Variants in BMPR2 observed in about 807,000 individuals in gnomAD.
BMPR2 encodes the protein bone morphogenetic protein receptor type 2, also known as bone morphogenetic protein receptor type-2.
BMPR2 carries 29 observed loss-of-function variants against 100.8 expected under a neutral mutation model. That is an observed-to-expected ratio of 0.29 (90% CI 0.21 to 0.39). The LOEUF is 0.39. Ranked by LOEUF, BMPR2 falls within the 10% of genes least tolerant of loss-of-function variation. The pLI is 1.00. For missense variants in BMPR2, 1,011 were observed against 1,274.5 expected (o/e 0.79, Z 3.15); for synonymous variants, 382 against 442.3 (o/e 0.86, Z 1.71).
chr2:202,538,078 C>T (rs1329776281), intron 9 of BMPR2, among the ~76,000 whole-genome samples: 2 of 152,108 alleles, frequency 1.3e-5, no homozygotes, highest in East Asian at 1.9e-4. Context: ...GCCGAGATCG[C>T]GCCACTGCAC....
chr2:202,564,703 G>A lies in BMPR2; in HGVS notation c.*4757G>A, dbSNP rs911850097. ...AGTTTCCAGATTAACATAAAGAAAAGAGGGAATCACAGGGCATTTAAGTGC... is the reference window on the plus strand; with the variant it reads ...AGTTTCCAGATTAACATAAAGAAAAAAGGGAATCACAGGGCATTTAAGTGC... On this transcript the variant is annotated 3_prime_UTR_variant, in exon 13 of 13. Coordinates refer to ENST00000374580, the MANE Select transcript of BMPR2 (RefSeq NM_001204.7). The A allele has an allele frequency of 6.6e-6, 1 of 152,134 alleles. No homozygotes were observed. Among genetic ancestry groups the A allele is most frequent in the Non-Finnish European group, 1.5e-5 (1 of 68,036 alleles). 9.4% of individuals were successfully genotyped at this position (152,134 alleles called of 1,614,324 possible). A position where few individuals can be genotyped will look rare whatever the true frequency, so the allele number is the denominator to read the frequency against.
intron 7 of BMPR2, among the ~76,000 whole-genome samples, chr2:202,522,651 C>G (rs1687838961): frequency 6.6e-6 from 1 of 152,004 alleles, no homozygotes; most frequent in Non-Finnish European, 1.5e-5. Flanking sequence ...ACAACATAGT[C>G]AGACCCCCAT....
chr2:202,487,491 A>G (rs1176936892), intron 3 of BMPR2, among the ~76,000 whole-genome samples: 1 of 152,260 alleles, frequency 6.6e-6, no homozygotes, highest in Admixed American at 6.5e-5. Context: ...CAGTTAAAAA[A>G]TCAATAAGAT....
chr2:202,530,993 A>G, intron 8 of BMPR2, 39 bp downstream of exon 8: 10 of 1,610,930 alleles, frequency 6.2e-6, no homozygotes, highest in Non-Finnish European at 8.5e-6. Flanking sequence ...ATGTACTTTG[A>G]AATGATAATT....
chr2:202,449,962 T>C (rs1198454948), intron 1 of BMPR2, among the ~76,000 whole-genome samples: 2 of 151,250 alleles, frequency 1.3e-5, no homozygotes, highest in African/African-American at 2.4e-5. Context: ...AAAAAAAAAA[T>C]AGCCAGGCTT....
intron 3 of BMPR2, among the ~76,000 whole-genome samples, chr2:202,477,076 CT>C (rs1266958162): frequency 6.6e-6 from 1 of 152,062 alleles, no homozygotes; most frequent in African/African-American, 2.4e-5. Flanking sequence ...AAAAACCTTG[CT>C]GTTAAACTTG....
Position 202,376,511 on chromosome 2 carries a change from AGGCGGCGGCGGCGGCGGCGGCGGC to A in BMPR2, c.-951_-928del, listed in dbSNP as rs375624016. Reference sequence around the variant, plus strand: ...AGGAGCCCAGAGCTGCGGGAGAACGAGGCGGCGGCGGCGGCGGCGGCGGCGGCGGCGGCGGCAGCAGCAGCGGCT... The same window carrying A: ...AGGAGCCCAGAGCTGCGGGAGAACGAGGCGGCGGCGGCAGCAGCAGCGGCT... On this transcript the variant is annotated 5_prime_UTR_variant, in exon 1 of 13. Coordinates refer to ENST00000374580, the MANE Select transcript of BMPR2 (RefSeq NM_001204.7). Among the ~76,000 whole-genome samples, 5 of 125,756 alleles carry A rather than the reference AGGCGGCGGCGGCGGCGGCGGCGGC, an allele frequency of 4.0e-5. No homozygotes were observed. The highest frequency in any genetic ancestry group is 8.8e-5 in the African/African-American group (3 of 33,902). 82.5% of individuals were successfully genotyped at this position (125,756 alleles called of 152,430 possible). A position where few individuals can be genotyped will look rare whatever the true frequency, so the allele number is the denominator to read the frequency against.
intron 1 of BMPR2, among the ~76,000 whole-genome samples, chr2:202,384,242 C>T (rs1690368141): frequency 6.6e-6 from 1 of 152,206 alleles, no homozygotes; most frequent in Non-Finnish European, 1.5e-5. Context: ...CAATGCCCAA[C>T]ACTGTACCTT....
chr2:202,542,284 C>T (rs1354073219), intron 9 of BMPR2, 27 bp from the exon 10 acceptor site: 4 of 1,612,354 alleles, frequency 2.5e-6, no homozygotes, highest in Non-Finnish European at 3.4e-6. Flanking sequence ...AAATTTTATT[C>T]TGTCATTCTT....
At chr2:202,418,100 C>G (rs999244955) in intron 1 of BMPR2, among the ~76,000 whole-genome samples, 3 of 152,044 alleles carry the variant, frequency 2.0e-5, no homozygotes, top group African/African-American at 7.2e-5. Context: ...TACTGAGAAA[C>G]CAAAGAATTC....
At chr2:202,491,696 G>A (rs1003747497) in intron 3 of BMPR2, among the ~76,000 whole-genome samples, 1 of 152,060 alleles carries the variant, frequency 6.6e-6, no homozygotes, top group South Asian at 2.1e-4. Context: ...GAGGCACCAC[G>A]CCTGGCCAGG....
intron 1 of BMPR2, among the ~76,000 whole-genome samples, chr2:202,405,794 T>A (rs1007786968): frequency 2.0e-5 from 3 of 152,046 alleles, no homozygotes; most frequent in African/African-American, 7.2e-5. Flanking sequence ...TGTCATATTT[T>A]AAAAAAATTT....
intron 3 of BMPR2, among the ~76,000 whole-genome samples, chr2:202,498,808 C>T (rs1693098889): frequency 6.6e-6 from 1 of 152,138 alleles, no homozygotes; most frequent in Non-Finnish European, 1.5e-5. Flanking sequence ...GTACAAATTA[C>T]AATACTATCC....
chr2:202,507,737 T>G (rs756991828), intron 3 of BMPR2, among the ~76,000 whole-genome samples: 6 of 151,764 alleles, frequency 4.0e-5, no homozygotes, highest in Non-Finnish European at 8.8e-5. Context: ...TTCACTCTTG[T>G]TGCCCATGCT....
At chr2:202,520,845 T>G (rs1559063542) in intron 7 of BMPR2, 2 of 155,006 alleles carry the variant, frequency 1.3e-5, no homozygotes, top group African/African-American at 4.8e-5. Context: ...ACAGCCACCA[T>G]GGGGGAGAAG....
chr2:202,451,291 G>A (rs992884759), intron 1 of BMPR2, among the ~76,000 whole-genome samples: 5 of 152,092 alleles, frequency 3.3e-5, no homozygotes, highest in Non-Finnish European at 4.4e-5. Flanking sequence ...TTAATAACAC[G>A]AATGAAAAAT....
Position 202,414,003 on chromosome 2 carries a change from C to T in BMPR2, c.76+36453C>T, listed in dbSNP as rs571080768. On this transcript the variant is annotated intron_variant, in intron 1 of 12. Transcript: ENST00000374580. ...TATGTTTCATATATACATATACATA[C>T]ACAGGCATACCTTGTTTATTGTGCT... is the stretch of plus-strand genomic sequence containing the variant. Among the ~76,000 whole-genome samples the T allele has an allele frequency of 3.3e-5, 5 of 152,296 alleles. No individual in the cohort carries two copies. The South Asian group carries it at 8.3e-4, about 25-fold the overall frequency.
rs113918335 is a variant in BMPR2 at position 202,495,450 on chromosome 2, G to A, written c.419-18269G>A. On this transcript the variant is annotated intron_variant, in intron 3 of 12. Coordinates refer to ENST00000374580, the MANE Select transcript of BMPR2 (RefSeq NM_001204.7). The surrounding 1 kb of genome is among the most constrained non-coding windows in gnomAD (Gnocchi z 4.5). ...GCTCTTCTGCTGGCGTGCTCCTCTC[G>A]ACGACCAGCCACTTTCTTCCGCCGA... 6.6e-6 allele frequency among the ~76,000 whole-genome samples: 1 copy of A among 152,122 alleles called. No homozygotes were observed. Among genetic ancestry groups the A allele is most frequent in the South Asian group, 2.1e-4 (1 of 4,820 alleles).
chr2:202,538,994 GAGTC>G (rs1175195812), intron 9 of BMPR2, among the ~76,000 whole-genome samples: 1 of 152,090 alleles, frequency 6.6e-6, no homozygotes, highest in Non-Finnish European at 1.5e-5. Flanking sequence ...GAGAAGTTAT[GAGTC>G]GATGCACTCC....
Sources: allele counts gnomAD v4.1 joint callset (sites outside exome capture counted in the v4.1 genomes callset), GRCh38; gene constraint gnomAD v4.1.1; non-coding constraint Gnocchi (gnomAD v3.1); transcripts MANE v1.5; gene names NCBI Gene and HGNC (gene_info 2026-07-23, HGNC 2026-07-21).